The following GARNL3 variants were observed in gnomAD, a reference collection of about 807,000 sequenced individuals.
GARNL3 encodes GTPase activating Rap/RanGAP domain like 3.
In GARNL3, 63 loss-of-function variants were observed where a neutral mutation model predicts 125.0. That is an observed-to-expected ratio of 0.50 (90% CI 0.41 to 0.62). The LOEUF (loss-of-function observed/expected upper bound fraction) is 0.62, where lower values mean the gene tolerates loss of function less well. Among genes scored for constraint, GARNL3 ranks in the 20% least tolerant of loss-of-function variants. GARNL3 has a pLI of 0.00. For synonymous variants in GARNL3, 439 were observed against 457.5 expected (o/e 0.96, Z 0.52); for missense variants, 994 against 1,244.0 (o/e 0.80, Z 3.02).
At chr9:127,341,425 A>G (rs573332514) in intron 13 of GARNL3, among the ~76,000 whole-genome samples, 2 of 152,352 alleles carry the variant, frequency 1.3e-5, no homozygotes, top group African/African-American at 2.4e-5. Flanking sequence ...CACCATGGCC[A>G]GGGTTGCCAG....
intron 16 of GARNL3, among the ~76,000 whole-genome samples, chr9:127,348,477 A>G (rs1369628669): frequency 6.6e-6 from 1 of 152,178 alleles, no homozygotes; most frequent in East Asian, 1.9e-4. Context: ...TTAGTGCATC[A>G]TGTATGTTTT....
intron 2 of GARNL3, among the ~76,000 whole-genome samples, chr9:127,296,518 C>A (rs1462055690): frequency 7.4e-6 from 1 of 134,874 alleles, no homozygotes; most frequent in Non-Finnish European, 1.5e-5. Flanking sequence ...GTTGCCCAGG[C>A]TGGAGTGCAA....
intron 1 of GARNL3, among the ~76,000 whole-genome samples, chr9:127,231,007 T>C (rs2062992231): frequency 7.2e-6 from 1 of 139,140 alleles, no homozygotes; most frequent in Non-Finnish European, 1.5e-5. Context: ...TATACACATA[T>C]GTGTATATAT....
intron 1 of GARNL3, among the ~76,000 whole-genome samples, chr9:127,227,842 C>T (rs193125267): frequency 1.3e-5 from 2 of 152,196 alleles, no homozygotes; most frequent in African/African-American, 2.4e-5. Flanking sequence ...ATCACTTGAG[C>T]CCAGGAGTTT....
chr9:127,263,135 G>A (rs1324680287), upstream of GARNL3, among the ~76,000 whole-genome samples: 3 of 152,150 alleles, frequency 2.0e-5, no homozygotes, highest in East Asian at 1.9e-4. Context: ...TTCATAGGAC[G>A]TTGTTTTCCT....
intron 7 of GARNL3, among the ~76,000 whole-genome samples, chr9:127,330,603 G>A (rs554125776): frequency 2.0e-5 from 3 of 152,282 alleles, no homozygotes; most frequent in East Asian, 1.9e-4. Context: ...AAACAGATAC[G>A]CAAGTTCAAT....
Position 127,327,895 on chromosome 9 carries a change from AT to A in GARNL3, c.594+2801del, listed in dbSNP as rs1200501109. Among the ~76,000 whole-genome samples, 5 of 152,334 alleles carry A rather than the reference AT, an allele frequency of 3.3e-5. No homozygotes were observed. The East Asian group carries it at 7.7e-4, about 23-fold the overall frequency. On this transcript the variant is annotated intron_variant, in intron 7 of 27. Coordinates refer to ENST00000373387, the MANE Select transcript of GARNL3 (RefSeq NM_032293.5). ...ACAACTGCTATTAACATTTTGGTAT[AT>A]ATGTTTGTTACGTTTTATATAAAAT...
intron 2 of GARNL3, among the ~76,000 whole-genome samples, chr9:127,246,931 CT>C (rs35410163): frequency 0.072 from 7,180 of 99,176 alleles, 551 homozygotes; most frequent in African/African-American, 0.26. Flanking sequence ...GACCTTCCTT[CT>C]TTTTTTTTTT....
At chr9:127,390,465 A>AG (rs1832763889) in intron 26 of GARNL3, among the ~76,000 whole-genome samples, 176 bp from the exon 27 acceptor site, 2 of 152,322 alleles carry the variant, frequency 1.3e-5, no homozygotes, top group Admixed American at 1.3e-4. Context: ...TAATCAGAAA[A>AG]GAAAAACCTT....
chr9:127,291,652 A>G (rs1248190020), intron 2 of GARNL3, among the ~76,000 whole-genome samples: 5 of 151,002 alleles, frequency 3.3e-5, no homozygotes, highest in African/African-American at 9.8e-5. Flanking sequence ...GGTACTGCCT[A>G]CTGCTCCTTG....
At chr9:127,354,537 C>T in intron 19 of GARNL3, 127 bp downstream of exon 19, 1 of 589,370 alleles carries the variant, frequency 1.7e-6, no homozygotes, top group Non-Finnish European at 3.0e-6. Context: ...TTGGAAACAT[C>T]ACAAAAATAG....
chr9:127,327,424 C>G (rs139671244), intron 7 of GARNL3, among the ~76,000 whole-genome samples: 3 of 152,246 alleles, frequency 2.0e-5, no homozygotes, highest in Admixed American at 6.5e-5. Flanking sequence ...GCAGGGACAC[C>G]TCAGTTGATT....
intron 27 of GARNL3, among the ~76,000 whole-genome samples, chr9:127,391,530 A>G (rs1832839862): frequency 8.4e-6 from 1 of 118,860 alleles, no homozygotes; most frequent in African/African-American, 2.9e-5. Flanking sequence ...TCTACAAAAA[A>G]AAAATATATA....
intron 1 of GARNL3, among the ~76,000 whole-genome samples, chr9:127,240,919 T>G (rs1393919790): frequency 6.6e-6 from 1 of 152,230 alleles, no homozygotes; most frequent in African/African-American, 2.4e-5. Context: ...AAAAAATTTT[T>G]TTTAATTAAA....
In GARNL3 at chr9:127,389,647, C is replaced by T. The variant is rs75174949; in HGVS notation, c.2743+528C>T. ...CATTTCTCTCAGTATAACTATGGGA[C>T]TGGGCTCACACCTGTTATCTCAGCA... On this transcript the variant is annotated intron_variant, in intron 26 of 27. Transcript: ENST00000373387. Among the ~76,000 whole-genome samples the T allele has an allele frequency of 2.9e-3, 435 of 152,226 alleles. 5 individuals carry two copies. The East Asian group carries it at 0.054, about 19-fold the overall frequency.
rs931826973 is a variant in GARNL3, at chr9:127,365,341, A to G, written c.2136A>G (p.Glu712=). The part of the protein sequence containing the change: ...VAAIDVYEDG[E]AGLLLCYNYS... ...CTATTGATGTGTACGAAGATGGAGA[A>G]GCTGGTTTGCTGTTGTGTTACAACT... Residue 712 remains glutamate, a synonymous_variant, in exon 22 of 28, where the codon GAA becomes GAG. Coordinates refer to ENST00000373387, the MANE Select transcript of GARNL3 (RefSeq NM_032293.5). 13 of 1,613,840 alleles carry G rather than the reference A, an allele frequency of 8.1e-6. No individual in the cohort carries two copies. Among genetic ancestry groups the G allele is most frequent in the Non-Finnish European group, 1.1e-5 (13 of 1,179,850 alleles).
intron 4 of GARNL3, among the ~76,000 whole-genome samples, chr9:127,317,094 T>C (rs909746016): frequency 2.0e-4 from 31 of 152,192 alleles, no homozygotes; most frequent in African/African-American, 7.0e-4. Flanking sequence ...CACCTCTTCT[T>C]AGACGATTAG....
chr9:127,350,455 C>T (rs1830364096), intron 17 of GARNL3, among the ~76,000 whole-genome samples: 1 of 152,058 alleles, frequency 6.6e-6, no homozygotes, highest in African/African-American at 2.4e-5. Flanking sequence ...ATTATCTTTA[C>T]TATGTCTCTA....
rs372890650 is a variant in GARNL3 at position 127,345,486 on chromosome 9, A to G, written c.1431+9A>G. 15 of 1,539,624 alleles carry G rather than the reference A, an allele frequency of 9.7e-6. No individual in the cohort carries two copies. Among genetic ancestry groups the G allele is most frequent in the African/African-American group, 2.8e-5 (2 of 72,592 alleles). ...GGATCTGTAAAAAAGAGGTGAGTTCATGATACTTTCAATTTGAACTTTGAA... is the reference window on the plus strand; with the variant it reads ...GGATCTGTAAAAAAGAGGTGAGTTCGTGATACTTTCAATTTGAACTTTGAA... On this transcript the variant is annotated intron_variant, in intron 16 of 27. Transcript: ENST00000373387.
Sources: gnomAD v4.1 joint callset for allele counts (sites outside exome capture counted in the v4.1 genomes callset) on GRCh38, gnomAD v4.1.1 for gene constraint, MANE v1.5 for transcripts, NCBI Gene and HGNC (gene_info 2026-07-23, HGNC 2026-07-21) for gene names.